ZC2HC1A: variants seen among roughly 807,000 people sequenced by gnomAD.
The protein encoded by ZC2HC1A is zinc finger C2HC-type containing 1A, also known as zinc finger C2HC domain-containing protein 1A.
ZC2HC1A carries 28 observed loss-of-function variants against 40.7 expected under a neutral mutation model. The observed-to-expected ratio is 0.69, with a 90% CI of 0.51 to 0.94. The LOEUF is 0.94. ZC2HC1A is among the 40% of genes least tolerant of loss of function. The pLI, the probability that ZC2HC1A is intolerant of heterozygous loss-of-function variation, is 0.00. For synonymous variants in ZC2HC1A, 129 were observed against 129.2 expected, an observed-to-expected ratio of 1.00 and a Z score of 0.01; for missense variants, 389 against 386.3, an observed-to-expected ratio of 1.01 and a Z score of -0.06.
At chr8:78,707,749 A>C (rs920914670) in intron 7 of ZC2HC1A, among the ~76,000 whole-genome samples, 4 of 152,170 alleles carry the variant, frequency 2.6e-5, no homozygotes, top group Non-Finnish European at 5.9e-5. Flanking sequence ...TGTGGAGCTC[A>C]TTTCTACCAA....
intron 7 of ZC2HC1A, among the ~76,000 whole-genome samples, chr8:78,706,895 C>A (rs1163630198): frequency 6.6e-6 from 1 of 151,774 alleles, no homozygotes; most frequent in African/African-American, 2.4e-5. Context: ...AAAAATCAAC[C>A]AACAATATCT....
chr8:78,688,571 G>C (rs1440880328), intron 4 of ZC2HC1A, among the ~76,000 whole-genome samples: 2 of 152,034 alleles, frequency 1.3e-5, no homozygotes, highest in Non-Finnish European at 2.9e-5. Flanking sequence ...ATTTTACAAT[G>C]CTACAAAATA....
chr8:78,667,695 G>A (rs1809337767), intron 1 of ZC2HC1A, among the ~76,000 whole-genome samples: 1 of 152,036 alleles, frequency 6.6e-6, no homozygotes, highest in African/African-American at 2.4e-5. Flanking sequence ...TAGGTTCTAG[G>A]TTGCAGCAAA....
At chr8:78,702,115 T>C (rs1251588132) in intron 7 of ZC2HC1A, among the ~76,000 whole-genome samples, 2 of 152,184 alleles carry the variant, frequency 1.3e-5, no homozygotes, top group East Asian at 3.8e-4. Flanking sequence ...TTTTTTCAAT[T>C]GGTAAGCTAT....
chr8:78,706,576 C>T (rs1005507527), intron 7 of ZC2HC1A, among the ~76,000 whole-genome samples: 11 of 152,154 alleles, frequency 7.2e-5, no homozygotes, highest in Admixed American at 4.6e-4. Context: ...TGCTCTGTGT[C>T]GCTCCAAGGT....
intron 1 of ZC2HC1A, among the ~76,000 whole-genome samples, chr8:78,671,481 A>C (rs956635740): frequency 2.6e-5 from 4 of 152,134 alleles, no homozygotes; most frequent in Middle Eastern, 3.2e-3. Context: ...TAAGCTGCAA[A>C]ATTTGCTAGT....
chr8:78,688,000 T>C (rs1239916803), intron 4 of ZC2HC1A, among the ~76,000 whole-genome samples: 1 of 147,030 alleles, frequency 6.8e-6, no homozygotes, highest in Non-Finnish European at 1.5e-5. Flanking sequence ...TATATAAATA[T>C]AAAATGAGCA....
intron 7 of ZC2HC1A, among the ~76,000 whole-genome samples, chr8:78,704,311 C>T (rs1810700151): frequency 1.3e-5 from 2 of 150,672 alleles, no homozygotes; most frequent in Middle Eastern, 3.2e-3. Flanking sequence ...TTGCTCGAAC[C>T]CAGGAGGCAG....
intron 7 of ZC2HC1A, among the ~76,000 whole-genome samples, chr8:78,702,888 A>AATTTT (rs963621863): frequency 4.0e-5 from 6 of 151,834 alleles, no homozygotes; most frequent in African/African-American, 7.3e-5. Flanking sequence ...TTATGTGATC[A>AATTTT]ATTTTATTTT....
intron 3 of ZC2HC1A, among the ~76,000 whole-genome samples, chr8:78,680,591 A>G (rs1050138998): frequency 6.6e-6 from 1 of 152,240 alleles, no homozygotes; most frequent in Non-Finnish European, 1.5e-5. Flanking sequence ...CTACAAAATC[A>G]TAAGCAGAGT....
In ZC2HC1A at chr8:78,718,375, A is replaced by G. The variant is rs1220496008; in HGVS notation, c.*882A>G. On this transcript the variant is annotated 3_prime_UTR_variant, in exon 9 of 9. Transcript: ENST00000263849. Reference sequence around the variant, plus strand: ...CCTGCAAAATCTTACATGTTTAAAAACATATAATTTTTTGTATCTGAATTT... The same window carrying G: ...CCTGCAAAATCTTACATGTTTAAAAGCATATAATTTTTTGTATCTGAATTT... The G allele has an allele frequency of 6.6e-6, 1 of 151,986 alleles. No homozygotes were observed. The highest frequency in any genetic ancestry group is 2.4e-5 in the African/African-American group (1 of 41,450). The allele number at this position is 151,986 out of a possible 1,614,324, so 9.4% of individuals were successfully genotyped here. A position where few individuals can be genotyped will look rare whatever the true frequency, so the allele number is the denominator to read the frequency against.
chr8:78,705,980 C>T (rs577736742), intron 7 of ZC2HC1A, among the ~76,000 whole-genome samples: 1 of 152,260 alleles, frequency 6.6e-6, no homozygotes, highest in East Asian at 1.9e-4. Flanking sequence ...TGAGGTCCTG[C>T]TCTGTGATGA....
At chr8:78,667,604 G>A (rs1809334430) in intron 1 of ZC2HC1A, among the ~76,000 whole-genome samples, 1 of 151,856 alleles carries the variant, frequency 6.6e-6, no homozygotes. Flanking sequence ...TGTATCCTAG[G>A]CACCTAAAAC....
At chr8:78,707,686 T>G (rs1437783172) in intron 7 of ZC2HC1A, among the ~76,000 whole-genome samples, 1 of 152,176 alleles carries the variant, frequency 6.6e-6, no homozygotes, top group Non-Finnish European at 1.5e-5. Flanking sequence ...TTGTCCATTC[T>G]GTATAAGATC....
chr8:78,684,357 G>A (rs1450910055), intron 3 of ZC2HC1A, among the ~76,000 whole-genome samples: 1 of 152,246 alleles, frequency 6.6e-6, no homozygotes, highest in Non-Finnish European at 1.5e-5. Flanking sequence ...GCAGGCAAGA[G>A]CGTGTGTGCA....
chr8:78,678,818 T>A (rs1809669982), intron 3 of ZC2HC1A, 139 bp downstream of exon 3: 1 of 493,912 alleles, frequency 2.0e-6, no homozygotes, highest in Non-Finnish European at 3.4e-6. Flanking sequence ...CAATTCTGTG[T>A]TATATGTTCA....
intron 5 of ZC2HC1A, among the ~76,000 whole-genome samples, chr8:78,695,313 CTAAG>C (rs1161295779): frequency 6.6e-6 from 1 of 151,968 alleles, no homozygotes; most frequent in Non-Finnish European, 1.5e-5. Flanking sequence ...CATGTTCTGC[CTAAG>C]TATTTGGAAG....
chr8:78,671,800 T>C (rs935316551), intron 1 of ZC2HC1A, among the ~76,000 whole-genome samples: 9 of 152,148 alleles, frequency 5.9e-5, no homozygotes, highest in African/African-American at 2.2e-4. Context: ...TGGTGTACAC[T>C]ACCTGAAGCA....
intron 4 of ZC2HC1A, among the ~76,000 whole-genome samples, chr8:78,688,629 C>T (rs561602206): frequency 2.0e-5 from 3 of 152,142 alleles, no homozygotes; most frequent in South Asian, 4.2e-4. Context: ...GTATGCTTTG[C>T]ATTTTGGGAA....
Sources: allele counts gnomAD v4.1 joint callset (sites outside exome capture counted in the v4.1 genomes callset), GRCh38; gene constraint gnomAD v4.1.1; transcripts MANE v1.5; gene names NCBI Gene and HGNC (gene_info 2026-07-23, HGNC 2026-07-21).